The following IQSEC1 variants were observed in gnomAD, a reference collection of about 807,000 sequenced individuals.
The protein encoded by IQSEC1 is IQ motif and SEC7 domain-containing protein 1.
IQSEC1 carries 31 observed loss-of-function variants against 91.0 expected under a neutral mutation model. That is an observed-to-expected ratio of 0.34 (90% confidence interval 0.26 to 0.46). The LOEUF is 0.46. IQSEC1 is among the 20% of genes least tolerant of loss of function. IQSEC1 has a pLI of 1.00. For synonymous variants in IQSEC1, 699 were observed against 662.6 expected (o/e 1.05, Z -0.84); for missense variants, 1,388 against 1,575.6 (o/e 0.88, Z 2.02).
At chr3:13,153,440 C>T (rs911370583) in intron 2 of IQSEC1, among the ~76,000 whole-genome samples, 3 of 152,136 alleles carry the variant, frequency 2.0e-5, no homozygotes, top group Non-Finnish European at 2.9e-5. Context: ...GTTCAGTCAT[C>T]GGGGCTGAAC....
In IQSEC1 at chr3:13,236,499, A is replaced by T. The variant is rs538930608; in HGVS notation, c.272+46212T>A. Among the ~76,000 whole-genome samples, 3 of 152,290 alleles carry T rather than the reference A, an allele frequency of 2.0e-5. No individual in the cohort carries two copies. In the East Asian group the frequency reaches 5.8e-4, roughly 29 times the overall value. Reference sequence around the variant, plus strand: ...TCCAGATGGTCCTAAGGGTGCTCCAAACTTGTCCTGCTAACACATGGTGCA... The same window carrying T: ...TCCAGATGGTCCTAAGGGTGCTCCATACTTGTCCTGCTAACACATGGTGCA... On this transcript the variant is annotated intron_variant, in intron 1 of 15. Coordinates refer to the IQSEC1 transcript ENST00000648114.
intron 4 of IQSEC1, among the ~76,000 whole-genome samples, chr3:12,923,668 G>A (rs1458090797): frequency 6.6e-6 from 1 of 152,164 alleles, no homozygotes; most frequent in African/African-American, 2.4e-5. Context: ...AAAGGGCGAC[G>A]GCACCCTCTG....
intron 1 of IQSEC1, chr3:13,053,171 G>A (rs1704751921): frequency 1.3e-6 from 1 of 745,350 alleles, no homozygotes; most frequent in East Asian, 2.5e-5. Flanking sequence ...GAAAGGAAGA[G>A]AGGGGACTGG....
At chr3:13,049,778 G>A (rs1263240669) in intron 1 of IQSEC1, among the ~76,000 whole-genome samples, 1 of 151,998 alleles carries the variant, frequency 6.6e-6, no homozygotes, top group Non-Finnish European at 1.5e-5. Context: ...TGAGTGGCAG[G>A]AGTGTTAACA....
At chr3:13,221,514 A>G (rs1694659741) in intron 1 of IQSEC1, among the ~76,000 whole-genome samples, 1 of 152,174 alleles carries the variant, frequency 6.6e-6, no homozygotes, top group African/African-American at 2.4e-5. Flanking sequence ...TCCCACCCCA[A>G]CTGCCTGCGG....
intron 1 of IQSEC1, among the ~76,000 whole-genome samples, chr3:13,015,287 C>T (rs1013223054): frequency 1.3e-5 from 2 of 152,154 alleles, no homozygotes; most frequent in Non-Finnish European, 2.9e-5. Flanking sequence ...CTGCGGGGCC[C>T]TGGTTCTCAA....
rs192405745 is a variant in IQSEC1 at position 13,235,075 on chromosome 3, T to C, written c.272+47636A>G. Among the ~76,000 whole-genome samples the C allele has an allele frequency of 2.0e-5, 3 of 152,302 alleles. No homozygotes were observed. In the East Asian group the frequency reaches 5.8e-4, roughly 29 times the overall value. On this transcript the variant is annotated intron_variant, in intron 1 of 15. Coordinates refer to the IQSEC1 transcript ENST00000648114. ...GCGAGGTGGGCTGGCTTCGTGTGTC[T>C]GTGCATTTTATTTTCTCTGATGGAA...
intron 3 of IQSEC1, among the ~76,000 whole-genome samples, chr3:12,929,552 A>G (rs1388140658): frequency 1.3e-5 from 2 of 152,218 alleles, no homozygotes; most frequent in African/African-American, 4.8e-5. Context: ...GATGGGTACC[A>G]GGACTTATAA....
chr3:13,056,272 C>T (rs896772755), intron 1 of IQSEC1, among the ~76,000 whole-genome samples: 5 of 152,256 alleles, frequency 3.3e-5, no homozygotes, highest in African/African-American at 1.2e-4. Context: ...AGGGGTGTAC[C>T]TGCAATCCTT....
intron 2 of IQSEC1, among the ~76,000 whole-genome samples, chr3:13,151,227 G>A (rs560115549): frequency 6.6e-5 from 10 of 152,290 alleles, no homozygotes; most frequent in African/African-American, 2.2e-4. Flanking sequence ...GTCAGGTATT[G>A]GGCTTCTCTA....
In IQSEC1 at chr3:13,211,619, G is replaced by A. The variant is rs1694446418; in HGVS notation, c.273-47486C>T. Among the ~76,000 whole-genome samples the A allele has an allele frequency of 6.6e-6, 1 of 152,142 alleles. No individual in the cohort carries two copies. Among genetic ancestry groups the A allele is most frequent in the Non-Finnish European group, 1.5e-5 (1 of 68,016 alleles). On this transcript the variant is annotated intron_variant, in intron 1 of 15. Coordinates refer to the IQSEC1 transcript ENST00000648114. This position sits in a 1 kb window ranked among gnomAD's most constrained non-coding sequence, Gnocchi z 5.3. The stretch of plus-strand genomic sequence containing the variant: ...TCCTTGCCTCTCCATGGCCCCAAAA[G>A]AAAGTCTGATCCCCTCAGCCTATCC...
At chr3:13,084,292 G>A (rs1705698392) in intron 2 of IQSEC1, among the ~76,000 whole-genome samples, 1 of 151,376 alleles carries the variant, frequency 6.6e-6, no homozygotes, top group Non-Finnish European at 1.5e-5. Context: ...CATAGGTGGT[G>A]TGGAGTCTGG....
chr3:13,033,614 C>G (rs1047259580), intron 1 of IQSEC1, among the ~76,000 whole-genome samples: 2 of 151,894 alleles, frequency 1.3e-5, no homozygotes, highest in Non-Finnish European at 2.9e-5. Flanking sequence ...AGCAAGAGAC[C>G]CAGGAGAGCT....
chr3:12,926,629 C>G (rs548901595), intron 3 of IQSEC1, among the ~76,000 whole-genome samples: 1 of 152,354 alleles, frequency 6.6e-6, no homozygotes, highest in South Asian at 2.1e-4. Flanking sequence ...AGGTCATCCA[C>G]TAATTAGGGG....
chr3:13,114,922 G>A (rs1214742865), intron 2 of IQSEC1, among the ~76,000 whole-genome samples: 5 of 152,180 alleles, frequency 3.3e-5, no homozygotes, highest in African/African-American at 9.7e-5. Flanking sequence ...TGCGGGAGCC[G>A]GTAGGGCCCA....
rs1291043139 is a variant in IQSEC1 at position 13,259,760 on chromosome 3, C to G, written c.272+22951G>C. ...TGCTTACCTCCACCTGCTTCCACCT[C>G]TGGTCATCCACAGATGCCACAAGGG... On this transcript the variant is annotated intron_variant, in intron 1 of 15. Coordinates refer to the IQSEC1 transcript ENST00000648114. The surrounding 1 kb of genome is among the most constrained non-coding windows in gnomAD (Gnocchi z 4.6). 6.6e-6 allele frequency among the ~76,000 whole-genome samples: 1 copy of G among 152,236 alleles called. No individual in the cohort carries two copies. The highest frequency in any genetic ancestry group is 1.5e-5 in the Non-Finnish European group (1 of 68,044).
At chr3:12,947,214 G>A (rs1699238748) in intron 1 of IQSEC1, among the ~76,000 whole-genome samples, 1 of 152,196 alleles carries the variant, frequency 6.6e-6, no homozygotes, top group African/African-American at 2.4e-5. Context: ...AACTATGACT[G>A]CCAATACCCG....
intron 2 of IQSEC1, among the ~76,000 whole-genome samples, chr3:13,100,017 G>A (rs1433179889): frequency 8.1e-6 from 1 of 123,462 alleles, no homozygotes; most frequent in Non-Finnish European, 1.8e-5. Flanking sequence ...GAAGGACTCG[G>A]CCTTCACTCT....
intron 1 of IQSEC1, among the ~76,000 whole-genome samples, chr3:12,974,152 G>T (rs1701042466): frequency 1.3e-5 from 2 of 152,176 alleles, no homozygotes; most frequent in Admixed American, 1.3e-4. Flanking sequence ...CCCAGCACGG[G>T]TACAGGTGGC....
Sources: gnomAD v4.1 joint callset for allele counts (sites outside exome capture counted in the v4.1 genomes callset) on GRCh38, gnomAD v4.1.1 for gene constraint, Gnocchi (gnomAD v3.1) non-coding constraint, MANE v1.5 for transcripts, NCBI Gene and HGNC (gene_info 2026-07-23, HGNC 2026-07-21) for gene names.